Variants in NOVA1 observed in about 807,000 individuals in gnomAD.
NOVA1 encodes NOVA alternative splicing regulator 1, also known as RNA-binding protein Nova-1.
NOVA1 carries 7 observed loss-of-function variants against 38.0 expected under a neutral mutation model. The ratio of observed to expected loss-of-function variants is 0.18; its 90% CI spans 0.10 to 0.35. NOVA1 has a LOEUF of 0.35. Among genes scored for constraint, NOVA1 ranks in the 10% least tolerant of loss-of-function variants. The pLI is 1.00. For missense variants in NOVA1, 460 were observed against 616.0 expected (o/e 0.75, Z 2.68); for synonymous variants, 270 against 232.5 (o/e 1.16, Z -1.47).
intron 2 of NOVA1, among the ~76,000 whole-genome samples, chr14:26,532,058 A>C (rs1036706013): frequency 6.6e-5 from 10 of 152,238 alleles, no homozygotes; most frequent in Admixed American, 6.5e-4. Flanking sequence ...AAGTACAGTC[A>C]TGGTAAGGAT....
In NOVA1 at chr14:26,496,975, G is replaced by A. The variant is rs1375941362; in HGVS notation, c.281-16832C>T. 3.3e-5 allele frequency among the ~76,000 whole-genome samples: 5 copies of A among 152,062 alleles called. 1 individual carries two copies. Among genetic ancestry groups the A allele is most frequent in the African/African-American group, 7.2e-5 (3 of 41,394 alleles). On this transcript the variant is annotated intron_variant, in intron 2 of 4. Transcript: ENST00000539517. ...TGGCTTAGGATTGACTTGGCGATGC[G>A]GGCTCTTTTTTGGTTCCAAATGAAC...
intron 2 of NOVA1, among the ~76,000 whole-genome samples, chr14:26,486,732 C>CA (rs971860959): frequency 7.3e-4 from 51 of 69,438 alleles, no homozygotes; most frequent in Non-Finnish European, 9.7e-4. Context: ...GCCAAACAAA[C>CA]AAAAAAAAAA....
At chr14:26,544,554 T>C (rs1890669930) in intron 2 of NOVA1, among the ~76,000 whole-genome samples, 1 of 152,040 alleles carries the variant, frequency 6.6e-6, no homozygotes, top group African/African-American at 2.4e-5. Flanking sequence ...TAAACCCTCT[T>C]TGAGCAAGGT....
In NOVA1 at chr14:26,597,688, G is replaced by T. The variant is rs576615454; in HGVS notation, c.-252C>A. On this transcript the variant is annotated 5_prime_UTR_variant, in exon 1 of 5. Transcript: ENST00000539517. ...GAAAGGAGACAGGGGAATGGAGGGG[G>T]TGTGAGAGACGGAGGGTGAAAGAAG... The T allele has an allele frequency of 1.7e-6, 2 of 1,172,762 alleles. No individual in the cohort carries two copies. Among genetic ancestry groups the T allele is most frequent in the Non-Finnish European group, 2.1e-6 (2 of 953,206 alleles). 72.6% of individuals were successfully genotyped at this position (1,172,762 alleles called of 1,614,324 possible). A position where few individuals can be genotyped will look rare whatever the true frequency, so the allele number is the denominator to read the frequency against.
intron 2 of NOVA1, among the ~76,000 whole-genome samples, chr14:26,498,823 T>A (rs1887029689): frequency 1.3e-5 from 2 of 152,224 alleles, no homozygotes; most frequent in Admixed American, 1.3e-4. Flanking sequence ...TTTGAAAATT[T>A]ACCTCCAGTC....
At chr14:26,490,831 A>C (rs1264966646) in intron 2 of NOVA1, among the ~76,000 whole-genome samples, 2 of 143,912 alleles carry the variant, frequency 1.4e-5, no homozygotes, top group African/African-American at 5.1e-5. Flanking sequence ...GCGCACCATC[A>C]CATCTGGCTA....
At chr14:26,507,638 C>G (rs189827174) in intron 2 of NOVA1, among the ~76,000 whole-genome samples, 51 of 152,186 alleles carry the variant, frequency 3.4e-4, no homozygotes, top group African/African-American at 1.2e-3. Flanking sequence ...TCACTGTGTT[C>G]TTTAGTTTGT....
chr14:26,491,955 A>G (rs1219096825), intron 2 of NOVA1, among the ~76,000 whole-genome samples: 1 of 151,052 alleles, frequency 6.6e-6, no homozygotes, highest in East Asian at 2.0e-4. Flanking sequence ...CAGGCTTCCC[A>G]TTTCTGTAAA....
intron 4 of NOVA1, among the ~76,000 whole-genome samples, chr14:26,451,895 C>G (rs1466242759): frequency 6.6e-6 from 1 of 152,014 alleles, no homozygotes; most frequent in Non-Finnish European, 1.5e-5. Flanking sequence ...AATGTTTAAT[C>G]AAATATTGAT....
At chr14:26,553,547 G>A (rs1891291793) in intron 2 of NOVA1, among the ~76,000 whole-genome samples, 1 of 151,982 alleles carries the variant, frequency 6.6e-6, no homozygotes, top group Non-Finnish European at 1.5e-5. Flanking sequence ...TCCCTTCTCT[G>A]TGCCTATTTG....
intron 2 of NOVA1, among the ~76,000 whole-genome samples, chr14:26,517,061 A>G (rs1356505108): frequency 6.6e-6 from 1 of 152,054 alleles, no homozygotes; most frequent in Admixed American, 6.6e-5. Flanking sequence ...ATGTGCCACC[A>G]TGCCCGACTA....
At chr14:26,519,748 A>G (rs1189138252) in intron 2 of NOVA1, among the ~76,000 whole-genome samples, 1 of 152,172 alleles carries the variant, frequency 6.6e-6, no homozygotes, top group Non-Finnish European at 1.5e-5. Flanking sequence ...TATGACTGGG[A>G]AAAACAAAAG....
intron 4 of NOVA1, among the ~76,000 whole-genome samples, chr14:26,450,367 T>C (rs964492361): frequency 1.5e-5 from 2 of 134,600 alleles, no homozygotes; most frequent in African/African-American, 5.0e-5. Context: ...CTCACAAATA[T>C]ATTTACACAT....
chr14:26,536,163 T>C (rs934721639), intron 2 of NOVA1, among the ~76,000 whole-genome samples: 1 of 151,140 alleles, frequency 6.6e-6, no homozygotes, highest in Non-Finnish European at 1.5e-5. Context: ...AAATCAAATT[T>C]ATTGAACTAT....
At chr14:26,553,626 C>A (rs564981544) in intron 2 of NOVA1, among the ~76,000 whole-genome samples, 1 of 152,168 alleles carries the variant, frequency 6.6e-6, no homozygotes, top group East Asian at 1.9e-4. Context: ...TCTGCAAAAG[C>A]AAAGAGTGTA....
At chr14:26,515,079 C>G (rs1445656843) in intron 2 of NOVA1, among the ~76,000 whole-genome samples, 1 of 151,862 alleles carries the variant, frequency 6.6e-6, no homozygotes, top group Non-Finnish European at 1.5e-5. Flanking sequence ...CCAAAAATGG[C>G]CAACAAAGAA....
intron 2 of NOVA1, among the ~76,000 whole-genome samples, chr14:26,524,252 T>A (rs1037786588): frequency 9.2e-5 from 14 of 152,142 alleles, no homozygotes; most frequent in African/African-American, 3.4e-4. Flanking sequence ...AGCCAACCTG[T>A]TTGTGGATCT....
intron 2 of NOVA1, among the ~76,000 whole-genome samples, chr14:26,553,290 T>C (rs1198829607): frequency 6.6e-6 from 1 of 152,206 alleles, no homozygotes; most frequent in Non-Finnish European, 1.5e-5. Context: ...CAACTCCACC[T>C]CCATAACTTA....
Position 26,545,400 on chromosome 14 carries a change from A to G in NOVA1, c.280+50010T>C, listed in dbSNP as rs1311180751. Among the ~76,000 whole-genome samples the G allele has an allele frequency of 2.0e-5, 3 of 152,182 alleles. No individual in the cohort carries two copies. In the East Asian group the frequency reaches 5.8e-4, roughly 29 times the overall value. On this transcript the variant is annotated intron_variant, in intron 2 of 4. Transcript: ENST00000539517. The stretch of plus-strand genomic sequence containing the variant: ...AGTAAGTAGTTTAAAAGAATGGTGC[A>G]TTCCAATAAAGGCCAAAAGAAAGCA...
Sources: gnomAD v4.1 joint callset for allele counts (sites outside exome capture counted in the v4.1 genomes callset) on GRCh38, gnomAD v4.1.1 for gene constraint, MANE v1.5 for transcripts, NCBI Gene and HGNC (gene_info 2026-07-23, HGNC 2026-07-21) for gene names.